The following CILK1 variants were observed in gnomAD, a reference collection of about 807,000 sequenced individuals.
CILK1 encodes the protein serine/threonine-protein kinase ICK.
Under a neutral mutation model 79.2 loss-of-function variants are expected in CILK1, and 47 were observed. That is an observed-to-expected ratio of 0.59 (90% CI 0.47 to 0.76). The LOEUF (loss-of-function observed/expected upper bound fraction) is 0.76. Among genes scored for constraint, CILK1 ranks in the 30% least tolerant of loss-of-function variants. CILK1 has a pLI of 0.00. For synonymous variants in CILK1, 266 were observed against 275.9 expected, an observed-to-expected ratio of 0.96 and a Z score of 0.36; for missense variants, 660 against 769.5, an observed-to-expected ratio of 0.86 and a Z score of 1.68.
At chr6:53,023,647 G>C (rs1765392064) in intron 5 of CILK1, among the ~76,000 whole-genome samples, 1 of 152,202 alleles carries the variant, frequency 6.6e-6, no homozygotes, top group Admixed American at 6.5e-5. Flanking sequence ...GTTTTCCAAA[G>C]ACTGTCACTG....
At chr6:53,037,741 T>C (rs905268554) in intron 3 of CILK1, among the ~76,000 whole-genome samples, 198 bp downstream of exon 3, 6 of 152,220 alleles carry the variant, frequency 3.9e-5, no homozygotes, top group African/African-American at 1.4e-4. Context: ...AAGTGATCCA[T>C]TAAAGATGAA....
chr6:53,058,232 G>C (rs1242991467), intron 1 of CILK1, among the ~76,000 whole-genome samples: 1 of 152,200 alleles, frequency 6.6e-6, no homozygotes, highest in Non-Finnish European at 1.5e-5. Flanking sequence ...CAGTTAACTA[G>C]GAGCAGACAG....
chr6:53,043,067 G>A (rs1766816389), intron 1 of CILK1, among the ~76,000 whole-genome samples: 1 of 152,148 alleles, frequency 6.6e-6, no homozygotes, highest in South Asian at 2.1e-4. Flanking sequence ...TGTAATCCCA[G>A]CACTCTGGGA....
chr6:53,039,957 A>G (rs967850993), intron 2 of CILK1, among the ~76,000 whole-genome samples: 1 of 152,150 alleles, frequency 6.6e-6, no homozygotes, highest in Non-Finnish European at 1.5e-5. Flanking sequence ...GTGAGGCATA[A>G]TGGGGAGGGA....
chr6:53,039,060 C>A (rs1396544742), intron 2 of CILK1, among the ~76,000 whole-genome samples: 1 of 152,236 alleles, frequency 6.6e-6, no homozygotes, highest in Non-Finnish European at 1.5e-5. Context: ...ATCTCTCCAG[C>A]TCACTCTGTC....
rs1317976982 is a variant in CILK1 at position 53,011,863 on chromosome 6, A to G, written c.1398T>C (p.Ser466=). The G allele has an allele frequency of 1.9e-6, 3 of 1,614,076 alleles. No homozygotes were observed. Among genetic ancestry groups the G allele is most frequent in the Non-Finnish European group, 2.5e-6 (3 of 1,180,022 alleles). Residue 466 remains serine (S), a synonymous_variant, in exon 11 of 14, where the codon AGT becomes AGC. Coordinates refer to ENST00000676107, the MANE Select transcript of CILK1 (RefSeq NM_014920.5). The part of the protein sequence containing the change: ...KPSEPVGTGN[S]APTQTSYQRR... ...GCTGATATGACGTCTGGGTGGGGGCACTGTTTCCTGTGCCCACAGGCTCAG... is the reference window on the plus strand; with the variant it reads ...GCTGATATGACGTCTGGGTGGGGGCGCTGTTTCCTGTGCCCACAGGCTCAG...
chr6:53,013,803 C>T lies in CILK1; in HGVS notation c.1011G>A (p.Gln337=), dbSNP rs2127411399. 6.2e-7 allele frequency: 1 copy of T among 1,613,818 alleles called. No individual in the cohort carries two copies. Residue 337 remains glutamine (Q), a synonymous_variant, in exon 9 of 14, where the codon CAG becomes CAA. Transcript: ENST00000676107. The stretch of plus-strand genomic sequence containing the variant: ...GCAGAGGGGGCTGGCTGGCTTGATG[C>T]TGTCGTGAAGAAATTCGTGTGTGTG... ...AKPHTRISSR[Q]HQASQPPLHL... is the part of the protein sequence containing the mutation.
At chr6:53,049,223 T>C (rs1581761149) in intron 1 of CILK1, among the ~76,000 whole-genome samples, 1 of 152,360 alleles carries the variant, frequency 6.6e-6, no homozygotes, top group Admixed American at 6.5e-5. Context: ...GCATTCCTGA[T>C]ACTATGGGCT....
rs774394781 is a variant in CILK1, at chr6:53,038,041, G to A, written c.102-48C>T. 1.2e-5 allele frequency: 16 copies of A among 1,305,466 alleles called. No homozygotes were observed. In the East Asian group the frequency reaches 3.5e-4, roughly 28 times the overall value. The allele number at this position is 1,305,466 out of a possible 1,614,324, so 80.9% of individuals were successfully genotyped here. ...ACAGCACACTTATTCTCAGTAATAGGTTAAACTTTGCTTTTAGAAAAATGC... is the reference window on the plus strand; with the variant it reads ...ACAGCACACTTATTCTCAGTAATAGATTAAACTTTGCTTTTAGAAAAATGC... On this transcript the variant is annotated intron_variant, in intron 2 of 13. Transcript: ENST00000676107.
rs1768483936 is a variant in CILK1, at chr6:53,061,735, C to CT, written c.-313_-312insA. 1 of 152,276 alleles carries CT rather than the reference C, an allele frequency of 6.6e-6. No homozygotes were observed. The highest frequency in any genetic ancestry group is 2.4e-5 in the African/African-American group (1 of 41,464). 9.4% of individuals were successfully genotyped at this position (152,276 alleles called of 1,614,324 possible). On this transcript the variant is annotated 5_prime_UTR_variant, in exon 1 of 14. An upstream open reading frame in the 5' UTR loses its in-frame stop. Transcript: ENST00000676107. ...GCCGAGGGCTCCGTACAGGGACGCC[C>CT]GCGAGGTCCGGCGAGTCGCACGGGC...
At chr6:53,007,115 T>C (rs1764275593) in intron 12 of CILK1, among the ~76,000 whole-genome samples, 1 of 152,236 alleles carries the variant, frequency 6.6e-6, no homozygotes, top group African/African-American at 2.4e-5. Context: ...TGAATATAAT[T>C]CTTATTATTT....
intron 1 of CILK1, among the ~76,000 whole-genome samples, chr6:53,046,660 G>C (rs1767096548): frequency 1.3e-5 from 2 of 152,188 alleles, no homozygotes; most frequent in South Asian, 2.1e-4. Flanking sequence ...GATCAGACTA[G>C]TGTCTCTTCA....
intron 3 of CILK1, among the ~76,000 whole-genome samples, chr6:53,037,095 G>C (rs1766390834): frequency 6.6e-6 from 1 of 152,200 alleles, no homozygotes; most frequent in African/African-American, 2.4e-5. Context: ...AAAAAGAAAG[G>C]GTGTTTTTCA....
rs542261658 is a variant in CILK1 at position 53,031,994 on chromosome 6, C to T, written c.278+539G>A. Among the ~76,000 whole-genome samples, 11 of 152,248 alleles carry T rather than the reference C, an allele frequency of 7.2e-5. No homozygotes were observed. The East Asian group carries it at 1.2e-3, about 16-fold the overall frequency. On this transcript the variant is annotated intron_variant, in intron 4 of 13. Coordinates refer to ENST00000676107, the MANE Select transcript of CILK1 (RefSeq NM_014920.5). The stretch of plus-strand genomic sequence containing the variant: ...GATTACAGGCATGCCCCACCATGCC[C>T]GGCTAATTTTGTATTTTTAGTAGAG...
intron 12 of CILK1, among the ~76,000 whole-genome samples, chr6:53,008,782 A>C (rs9474369): frequency 0.12 from 17,742 of 152,172 alleles, 1,467 homozygotes; most frequent in African/African-American, 0.23. Context: ...TTGCTATATT[A>C]TCTCTTTCTT....
chr6:53,056,578 C>T (rs900500881), intron 1 of CILK1, among the ~76,000 whole-genome samples: 10 of 152,334 alleles, frequency 6.6e-5, no homozygotes, highest in South Asian at 2.1e-4. Context: ...TTAGTACTCT[C>T]CATAGAGCCC....
chr6:53,027,607 T>C (rs1765656519), intron 5 of CILK1, among the ~76,000 whole-genome samples: 1 of 152,226 alleles, frequency 6.6e-6, no homozygotes. Context: ...AAGTACTTTT[T>C]TTCCATTGCT....
chr6:53,051,336 C>T (rs1181369843), intron 1 of CILK1, among the ~76,000 whole-genome samples: 1 of 152,194 alleles, frequency 6.6e-6, no homozygotes, highest in Non-Finnish European at 1.5e-5. Flanking sequence ...CAAAAATTTT[C>T]ACAAAGTTGG....
At chr6:53,043,356 T>A (rs1163990965) in intron 1 of CILK1, among the ~76,000 whole-genome samples, 4 of 151,402 alleles carry the variant, frequency 2.6e-5, no homozygotes, top group Non-Finnish European at 5.9e-5. Context: ...AATAAATAAA[T>A]AAATCCAGAC....
Sources: allele counts gnomAD v4.1 joint callset (sites outside exome capture counted in the v4.1 genomes callset), GRCh38; gene constraint gnomAD v4.1.1; transcripts MANE v1.5; gene names NCBI Gene and HGNC (gene_info 2026-07-23, HGNC 2026-07-21).